ITFG1: variants seen among roughly 807,000 people sequenced by gnomAD.
ITFG1 encodes the protein T-cell immunomodulatory protein.
In ITFG1, 34 loss-of-function variants were observed where a neutral mutation model predicts 81.8. That is an observed-to-expected ratio of 0.42 (90% CI 0.32 to 0.55). The LOEUF is 0.55. ITFG1 is among the 20% of genes least tolerant of loss of function. The pLI is 0.17. For synonymous variants in ITFG1, 285 were observed against 270.6 expected (o/e 1.05, Z -0.52); for missense variants, 672 against 755.4 (o/e 0.89, Z 1.29).
chr16:47,311,277 G>A lies in ITFG1; in HGVS notation c.1033C>T (p.Pro345Ser). Residue 345 changes from proline (P) to serine (S), a missense_variant, in exon 10 of 18, where the codon CCA becomes TCA. This residue lies in a region of ITFG1 where 560 missense variants were observed against 625.7 expected (regional missense o/e 0.90). Transcript: ENST00000320640. The stretch of plus-strand genomic sequence containing the variant: ...TTCTTTAGTATGACCAGAGCGTCTG[G>A]ATAGCCATCCATATTGTAGTCTCCA... The part of the protein sequence containing the change: ...HIGDYNMDGY[P>S]DALVILKNTS... The A allele has an allele frequency of 6.2e-7, 1 of 1,612,836 alleles. No individual in the cohort carries two copies. The highest frequency in any genetic ancestry group is 8.5e-7 in the Non-Finnish European group (1 of 1,179,166).
At chr16:47,327,636 AC>A (rs1283095726) in intron 8 of ITFG1, among the ~76,000 whole-genome samples, 4 of 152,202 alleles carry the variant, frequency 2.6e-5, no homozygotes, top group African/African-American at 9.6e-5. Flanking sequence ...CAAGAAAAAA[AC>A]AAACAACCTC....
In ITFG1 at chr16:47,367,561, G is replaced by A. The variant is rs571037278; in HGVS notation, c.721-1692C>T. On this transcript the variant is annotated intron_variant, in intron 7 of 17. Coordinates refer to ENST00000320640, the MANE Select transcript of ITFG1 (RefSeq NM_030790.5). ...TCTATGTTAGGAAGTGGGGACTAAC[G>A]CCAAATTTGTATTTCATATTATCAC... 3.3e-5 allele frequency among the ~76,000 whole-genome samples: 5 copies of A among 152,226 alleles called. No individual in the cohort carries two copies. In the East Asian group the frequency reaches 7.7e-4, roughly 23 times the overall value.
intron 14 of ITFG1, among the ~76,000 whole-genome samples, chr16:47,163,914 TAC>T (rs56117889): frequency 0.68 from 94,753 of 139,082 alleles, 33,974 homozygotes; most frequent in Non-Finnish European, 0.8. Context: ...GAAGCTCAAC[TAC>T]ACACACACAC....
intron 10 of ITFG1, 60 bp from the exon 11 acceptor site, chr16:47,260,755 T>C: frequency 1.3e-6 from 2 of 1,531,462 alleles, no homozygotes; most frequent in Admixed American, 1.7e-5. Context: ...GCATCGGCTC[T>C]GTAGTATTTC....
At chr16:47,266,302 C>T (rs547026977) in intron 10 of ITFG1, among the ~76,000 whole-genome samples, 4 of 152,304 alleles carry the variant, frequency 2.6e-5, no homozygotes, top group South Asian at 4.1e-4. Flanking sequence ...ACTGCAACCT[C>T]TGCCTCCCGG....
intron 10 of ITFG1, among the ~76,000 whole-genome samples, chr16:47,267,723 T>C (rs1187789813): frequency 6.6e-6 from 1 of 152,106 alleles, no homozygotes; most frequent in Non-Finnish European, 1.5e-5. Flanking sequence ...CTGATCATAA[T>C]GGAATTAAAT....
intron 6 of ITFG1, among the ~76,000 whole-genome samples, chr16:47,427,147 C>T (rs1969033275): frequency 6.6e-6 from 1 of 152,136 alleles, no homozygotes; most frequent in Admixed American, 6.5e-5. Flanking sequence ...TTTGCAACTC[C>T]TGTTGAAATA....
At chr16:47,191,317 G>A (rs1223944456) in intron 14 of ITFG1, among the ~76,000 whole-genome samples, 2 of 151,794 alleles carry the variant, frequency 1.3e-5, no homozygotes, top group African/African-American at 2.4e-5. Flanking sequence ...CCCACTGCCC[G>A]CAGGCCACAT....
intron 17 of ITFG1, 33 bp from the exon 18 acceptor site, chr16:47,155,811 G>C (rs1567408360): frequency 2.7e-6 from 4 of 1,457,926 alleles, no homozygotes; most frequent in Middle Eastern, 1.8e-4. Flanking sequence ...TTTATAAATG[G>C]TAGAAAGATG....
At position 47,446,770 on chromosome 16, in the gene ITFG1, A is replaced by T. The variant is rs147896814; in HGVS notation, c.560+4626T>A. ...TTAATCTATATTTTCAGAAATTATG[A>T]TTCTGATTCATTTCACCCTAAATTG... On this transcript the variant is annotated intron_variant, in intron 5 of 17. Coordinates refer to ENST00000320640, the MANE Select transcript of ITFG1 (RefSeq NM_030790.5). Among the ~76,000 whole-genome samples the T allele has an allele frequency of 3.3e-5, 5 of 152,300 alleles. No individual in the cohort carries two copies. In the East Asian group the frequency reaches 7.7e-4, roughly 23 times the overall value.
intron 14 of ITFG1, among the ~76,000 whole-genome samples, chr16:47,178,880 G>GA (rs1186222027): frequency 2.6e-5 from 4 of 151,990 alleles, no homozygotes; most frequent in Non-Finnish European, 4.4e-5. Context: ...AAATTTACAA[G>GA]AAAAAATCAA....
At chr16:47,189,984 A>G (rs985396897) in intron 14 of ITFG1, among the ~76,000 whole-genome samples, 9 of 152,178 alleles carry the variant, frequency 5.9e-5, no homozygotes, top group Non-Finnish European at 1.0e-4. Flanking sequence ...GAGTTGTATT[A>G]GGGTGGTAAA....
At chr16:47,275,234 T>G (rs1966385199) in intron 10 of ITFG1, among the ~76,000 whole-genome samples, 2 of 152,158 alleles carry the variant, frequency 1.3e-5, no homozygotes, top group African/African-American at 4.8e-5. Flanking sequence ...TGAAAGGACC[T>G]GGAATAATAT....
At chr16:47,445,299 G>C (rs1969310994) in intron 5 of ITFG1, among the ~76,000 whole-genome samples, 1 of 148,654 alleles carries the variant, frequency 6.7e-6, no homozygotes, top group Non-Finnish European at 1.5e-5. Context: ...TGATATCTAT[G>C]GGTTTTCACA....
intron 6 of ITFG1, among the ~76,000 whole-genome samples, chr16:47,423,561 T>C (rs1461445096): frequency 2.0e-5 from 3 of 152,360 alleles, no homozygotes; most frequent in South Asian, 4.1e-4. Flanking sequence ...GTTTTTGTAG[T>C]GGCTTGTACT....
intron 6 of ITFG1, among the ~76,000 whole-genome samples, chr16:47,380,436 A>G (rs1328097130): frequency 6.6e-6 from 1 of 152,198 alleles, no homozygotes; most frequent in Admixed American, 6.5e-5. Context: ...CACTACGCCA[A>G]AAAGTAAGGT....
At position 47,354,177 on chromosome 16, in the gene ITFG1, A is replaced by G. The variant is rs13334125; in HGVS notation, c.802+11611T>C. Among the ~76,000 whole-genome samples the G allele has an allele frequency of 6.8e-3, 1,035 of 152,312 alleles. 11 individuals carry two copies. Among genetic ancestry groups the G allele is most frequent in the African/African-American group, 0.024 (984 of 41,574 alleles). On this transcript the variant is annotated intron_variant, in intron 8 of 17. Transcript: ENST00000320640. ...ATACTACAAAGCTATGGTAATCAAT[A>G]CAGCATGATACTGTCATAAAAACAG...
rs533281832 is a variant in ITFG1, at chr16:47,424,885, T to G, written c.655+3919A>C. On this transcript the variant is annotated intron_variant, in intron 6 of 17. Transcript: ENST00000320640. ...GGAGGTGTCTCCTAGTCAGGCTACA[T>G]TGGGGTCAGGGACCCACTTGAGGAG... 6.4e-4 allele frequency among the ~76,000 whole-genome samples: 98 copies of G among 152,166 alleles called. 1 individual carries two copies. The highest frequency in any genetic ancestry group is 2.1e-3 in the African/African-American group (88 of 41,526).
intron 8 of ITFG1, among the ~76,000 whole-genome samples, chr16:47,350,490 T>C (rs1260838772): frequency 6.6e-6 from 1 of 151,920 alleles, no homozygotes; most frequent in South Asian, 2.1e-4. Context: ...CCTTGACACA[T>C]ACGTCCTCCC....
Sources: gnomAD v4.1 joint callset for allele counts (sites outside exome capture counted in the v4.1 genomes callset) on GRCh38, gnomAD v4.1.1 for gene constraint, gnomAD v4.1.1 regional missense constraint, MANE v1.5 for transcripts, NCBI Gene and HGNC (gene_info 2026-07-23, HGNC 2026-07-21) for gene names.